The following AUTS2 variants were observed in gnomAD, a reference collection of about 807,000 sequenced individuals.
AUTS2 encodes the protein autism susceptibility gene 2 protein.
A neutral mutation model predicts 112.4 loss-of-function variants in AUTS2; 17 were observed. That is an observed-to-expected ratio of 0.15 (90% confidence interval 0.10 to 0.23). The LOEUF (loss-of-function observed/expected upper bound fraction) is 0.23, where lower values mean the gene tolerates loss of function less well. AUTS2 is among the 10% of genes least tolerant of loss of function. The pLI is 1.00. For synonymous variants in AUTS2, 751 were observed against 702.7 expected (o/e 1.07, Z -1.09); for missense variants, 1,510 against 1,701.6 (o/e 0.89, Z 1.98).
chr7:69,819,295 C>T (rs12112886), intron 1 of AUTS2, among the ~76,000 whole-genome samples: 1,654 of 152,300 alleles, frequency 0.011, 28 homozygotes, highest in African/African-American at 0.036. Context: ...ACCCTTTCTT[C>T]CCATTTCCAA....
intron 2 of AUTS2, among the ~76,000 whole-genome samples, chr7:69,940,862 G>T (rs1796600222): frequency 6.6e-6 from 1 of 152,116 alleles, no homozygotes; most frequent in Non-Finnish European, 1.5e-5. Context: ...GGGAGATGAG[G>T]GTGAGGGAGG....
At chr7:70,327,642 C>T (rs1790552076) in intron 4 of AUTS2, among the ~76,000 whole-genome samples, 1 of 152,170 alleles carries the variant, frequency 6.6e-6, no homozygotes, top group South Asian at 2.1e-4. Flanking sequence ...AGTACAGCAG[C>T]ATCCTGTAAT....
At chr7:69,782,886 A>T (rs893921718) in intron 1 of AUTS2, among the ~76,000 whole-genome samples, 1 of 152,052 alleles carries the variant, frequency 6.6e-6, no homozygotes, top group Admixed American at 6.6e-5. Flanking sequence ...GTCTCTAAGT[A>T]TGTTTAACTC....
chr7:70,562,941 A>C (rs558714573), intron 5 of AUTS2, among the ~76,000 whole-genome samples: 1 of 152,330 alleles, frequency 6.6e-6, no homozygotes, highest in East Asian at 1.9e-4. Context: ...TGAGGAATAC[A>C]GTGACTTTTT....
intron 1 of AUTS2, among the ~76,000 whole-genome samples, chr7:69,741,470 C>A (rs1327349522): frequency 6.6e-6 from 1 of 152,100 alleles, no homozygotes; most frequent in Non-Finnish European, 1.5e-5. Flanking sequence ...TTTGGGAGGC[C>A]AAGTTGGGCG....
chr7:70,446,934 T>C (rs1796342065), intron 5 of AUTS2, among the ~76,000 whole-genome samples: 1 of 152,140 alleles, frequency 6.6e-6, no homozygotes, highest in African/African-American at 2.4e-5. Flanking sequence ...ACTAGCTGCC[T>C]TGTGTACATA....
intron 5 of AUTS2, among the ~76,000 whole-genome samples, chr7:70,451,524 T>C (rs1056896727): frequency 2.0e-5 from 3 of 152,202 alleles, no homozygotes; most frequent in African/African-American, 7.2e-5. Context: ...TTTTTAAATG[T>C]ACATTTCAGT....
At chr7:70,311,484 C>G (rs898336662) in intron 4 of AUTS2, among the ~76,000 whole-genome samples, 1 of 152,216 alleles carries the variant, frequency 6.6e-6, no homozygotes, top group Non-Finnish European at 1.5e-5. Context: ...TATAACTCCT[C>G]TGAGAATGGG....
intron 5 of AUTS2, among the ~76,000 whole-genome samples, chr7:70,518,525 A>T (rs1799510164): frequency 6.6e-6 from 1 of 152,086 alleles, no homozygotes; most frequent in Non-Finnish European, 1.5e-5. Context: ...TACTAAAAAA[A>T]TACAAAAAAT....
intron 2 of AUTS2, among the ~76,000 whole-genome samples, chr7:70,047,094 T>A (rs1018085445): frequency 8.5e-5 from 13 of 152,162 alleles, no homozygotes; most frequent in African/African-American, 3.1e-4. Flanking sequence ...TTTGTTATGG[T>A]GGAATTGATG....
chr7:70,252,570 C>A (rs1049251070), intron 4 of AUTS2, among the ~76,000 whole-genome samples: 1 of 152,098 alleles, frequency 6.6e-6, no homozygotes, highest in Non-Finnish European at 1.5e-5. Context: ...CTCTGCTAAT[C>A]GCTTTTTTTT....
intron 17 of AUTS2, 83 bp from the exon 18 acceptor site, chr7:70,787,126 A>G (rs1290761316): frequency 4.5e-6 from 6 of 1,328,972 alleles, no homozygotes; most frequent in Non-Finnish European, 6.4e-6. Flanking sequence ...GAATGCTGTT[A>G]AAAGTTTTTT....
At chr7:70,017,591 G>A (rs1479771973) in intron 2 of AUTS2, among the ~76,000 whole-genome samples, 1 of 152,090 alleles carries the variant, frequency 6.6e-6, no homozygotes, top group Non-Finnish European at 1.5e-5. Flanking sequence ...TGCCCTGCAG[G>A]GGATCAGCTG....
chr7:69,802,191 G>T (rs760432780), intron 1 of AUTS2, among the ~76,000 whole-genome samples: 1 of 152,202 alleles, frequency 6.6e-6, no homozygotes, highest in Non-Finnish European at 1.5e-5. Context: ...GCCTGAAGAC[G>T]TATGTTAAGG....
intron 5 of AUTS2, among the ~76,000 whole-genome samples, chr7:70,495,853 A>AGTC (rs1798451630): frequency 7.1e-6 from 1 of 141,008 alleles, no homozygotes; most frequent in African/African-American, 2.8e-5. Context: ...CCACGTACAC[A>AGTC]AACACACACA....
At chr7:70,307,888 G>A (rs1268112925) in intron 4 of AUTS2, among the ~76,000 whole-genome samples, 1 of 152,148 alleles carries the variant, frequency 6.6e-6, no homozygotes, top group Admixed American at 6.5e-5. Flanking sequence ...TTACCTTTGA[G>A]CATAACCACA....
intron 4 of AUTS2, among the ~76,000 whole-genome samples, chr7:70,264,328 C>T (rs539324472): frequency 6.6e-6 from 1 of 152,274 alleles, no homozygotes; most frequent in South Asian, 2.1e-4. Context: ...CTGCCTCAGC[C>T]TCCCGAGTAG....
intron 1 of AUTS2, among the ~76,000 whole-genome samples, chr7:69,637,564 A>G (rs951181850): frequency 1.3e-5 from 2 of 152,226 alleles, no homozygotes; most frequent in African/African-American, 4.8e-5. Flanking sequence ...GTTTTGAAAA[A>G]TTGTAGAATA....
intron 1 of AUTS2, among the ~76,000 whole-genome samples, chr7:69,857,826 A>C (rs1181774520): frequency 6.6e-6 from 1 of 152,170 alleles, no homozygotes; most frequent in Non-Finnish European, 1.5e-5. Flanking sequence ...CAAAAAAAAA[A>C]AAAAGACATT....
Sources: allele counts gnomAD v4.1 joint callset (sites outside exome capture counted in the v4.1 genomes callset), GRCh38; gene constraint gnomAD v4.1.1; transcripts MANE v1.5; gene names NCBI Gene and HGNC (gene_info 2026-07-23, HGNC 2026-07-21).